The following DPH7 variants were observed in gnomAD, a reference collection of about 807,000 sequenced individuals.
DPH7 encodes diphthamide biosynthesis 7.
In DPH7, 44 loss-of-function variants were observed where a neutral mutation model predicts 41.7. That is an observed-to-expected ratio of 1.05 (90% CI 0.83 to 1.36). The LOEUF (loss-of-function observed/expected upper bound fraction) is 1.36, where lower values mean the gene tolerates loss of function less well. Ranked by LOEUF, DPH7 falls within the 40% of genes most tolerant of loss-of-function variation. DPH7 has a pLI of 0.00. For synonymous variants in DPH7, 275 were observed against 238.0 expected, an observed-to-expected ratio of 1.16 and a Z score of -1.43; for missense variants, 629 against 577.5, an observed-to-expected ratio of 1.09 and a Z score of -0.91.
At chr9:137,558,622 C>G (rs1257545889) in intron 8 of DPH7, among the ~76,000 whole-genome samples, 1 of 152,168 alleles carries the variant, frequency 6.6e-6, no homozygotes, top group Non-Finnish European at 1.5e-5. Flanking sequence ...AAAGGCAAAT[C>G]CCCATAGACA....
At chr9:137,564,988 G>A (rs1244391439) in intron 6 of DPH7, 30 bp from the exon 7 acceptor site, 2 of 1,600,866 alleles carry the variant, frequency 1.2e-6, no homozygotes, top group Admixed American at 3.5e-5. Context: ...CTGAACCAGT[G>A]TCCAGCACAC....
At chr9:137,575,091 G>T (rs1312344336) in intron 3 of DPH7, 17 of 1,271,384 alleles carry the variant, frequency 1.3e-5, no homozygotes, top group Non-Finnish European at 1.7e-5. Context: ...TTGATCTTGG[G>T]GCATGGTCTC....
intron 5 of DPH7, among the ~76,000 whole-genome samples, chr9:137,571,719 T>G (rs925774845): frequency 6.6e-6 from 1 of 151,800 alleles, no homozygotes; most frequent in Non-Finnish European, 1.5e-5. Context: ...ACCCAGGAGG[T>G]GGAGGTTGCA....
chr9:137,577,035 C>T (rs1360636952), intron 2 of DPH7, among the ~76,000 whole-genome samples: 1 of 136,716 alleles, frequency 7.3e-6, no homozygotes, highest in South Asian at 2.2e-4. Context: ...GCCTGGGCAA[C>T]GGAACAAAAC....
Position 137,578,813 on chromosome 9 carries a change from A to G in DPH7, c.-36T>C. On this transcript the variant is annotated 5_prime_UTR_variant, in exon 1 of 9. Transcript: ENST00000277540. ...GGGAAGGGCGCGGAGCCGGCAGTAG[A>G]GGCGGGTCGGCGGGGCCGGGCTGGG... 1.4e-6 allele frequency: 2 copies of G among 1,403,294 alleles called. No homozygotes were observed. The highest frequency in any genetic ancestry group is 1.9e-6 in the Non-Finnish European group (2 of 1,074,654). 86.9% of individuals were successfully genotyped at this position (1,403,294 alleles called of 1,614,324 possible). A position where few individuals can be genotyped will look rare whatever the true frequency, so the allele number is the denominator to read the frequency against.
At chr9:137,568,963 C>T (rs555471100) in intron 5 of DPH7, among the ~76,000 whole-genome samples, 1 of 152,194 alleles carries the variant, frequency 6.6e-6, no homozygotes, top group Admixed American at 6.5e-5. Context: ...ACAAGGACTC[C>T]ACACCATGCA....
chr9:137,565,009 AGGGAACGGGAGGGCT>A, intron 6 of DPH7, 51 bp from the exon 7 acceptor site: 1 of 1,606,770 alleles, frequency 6.2e-7, no homozygotes, highest in Non-Finnish European at 8.5e-7. Context: ...AGACCCACCC[AGGGAACGGGAGGGCT>A]GGTGACCCAG....
rs778810444 is a variant in DPH7 at position 137,574,775 on chromosome 9, A to C, written c.444T>G (p.Asp148Glu). ...LEEQCLALSLDWSTGKTGRAG... is the reference protein window; with the variant it reads ...LEEQCLALSLEWSTGKTGRAG... ...ACCTTCCAGTTTTCCCAGTGGACCA[A>C]TCTAGGGACAAAGCCAGACACTGCT... The change falls in exon 4 of 9, where the codon GAT becomes GAG. Residue 148 changes from aspartate (D) to glutamate (E), a missense_variant. Asp to Glu is a conservative substitution (Grantham distance 45). Transcript: ENST00000277540. 11 of 1,613,918 alleles carry C rather than the reference A, an allele frequency of 6.8e-6. No individual in the cohort carries two copies. The highest frequency in any genetic ancestry group is 9.3e-6 in the Non-Finnish European group (11 of 1,180,014).
chr9:137,577,754 G>A, intron 1 of DPH7, 151 bp from the exon 2 acceptor site: 1 of 1,098,522 alleles, frequency 9.1e-7, no homozygotes, highest in South Asian at 1.6e-5. Context: ...CTGAGCTGGA[G>A]AAACGTCTAT....
At position 137,556,759 on chromosome 9, in the gene DPH7, C is replaced by G; in HGVS notation, c.950-1111G>C. The G allele has an allele frequency of 2.2e-6, 1 of 454,904 alleles. No individual in the cohort carries two copies. Among genetic ancestry groups the G allele is most frequent in the South Asian group, 1.6e-5 (1 of 64,424 alleles). 28.2% of individuals were successfully genotyped at this position (454,904 alleles called of 1,614,324 possible). On this transcript the variant is annotated intron_variant, in intron 8 of 8. Transcript: ENST00000277540. The surrounding 1 kb of genome is among the most constrained non-coding windows in gnomAD (Gnocchi z 5.2). ...CAGGGCAGGCAGGACCTCCGCTAGT[C>G]TTTCATCCAGCAATCGCTCAACACG... is the stretch of plus-strand genomic sequence containing the variant.
chr9:137,558,331 G>A (rs943830006), intron 8 of DPH7, among the ~76,000 whole-genome samples: 7 of 152,158 alleles, frequency 4.6e-5, no homozygotes, highest in Middle Eastern at 3.4e-3. Context: ...CAGGTGGTCC[G>A]GGCTGCAGTG....
At chr9:137,563,609 A>G (rs1839013422) in intron 8 of DPH7, among the ~76,000 whole-genome samples, 11 of 151,976 alleles carry the variant, frequency 7.2e-5, no homozygotes, top group Admixed American at 2.6e-4. Context: ...AGTGCAGAGA[A>G]GAAACTGGCC....
chr9:137,564,869 C>G (rs1225743605), intron 7 of DPH7, 24 bp downstream of exon 7: 2 of 1,579,620 alleles, frequency 1.3e-6, no homozygotes, highest in African/African-American at 1.3e-5. Context: ...ACGAGAAGGG[C>G]CCGAGAGCCT....
chr9:137,562,413 G>C (rs1194769275), intron 8 of DPH7, among the ~76,000 whole-genome samples: 1 of 152,040 alleles, frequency 6.6e-6, no homozygotes, highest in African/African-American at 2.4e-5. Flanking sequence ...AAGAAATGTG[G>C]GCACTTAAAA....
Position 137,556,180 on chromosome 9 carries a change from C to A in DPH7, c.950-532G>T, listed in dbSNP as rs1330483965. Among the ~76,000 whole-genome samples, 1 of 152,160 alleles carries A rather than the reference C, an allele frequency of 6.6e-6. No individual in the cohort carries two copies. The highest frequency in any genetic ancestry group is 1.5e-5 in the Non-Finnish European group (1 of 68,028). ...GTCTGGATTCTGGCTTGGAAAGGAG[C>A]CACTGACAAGGTTAAGTGAGCAGTT... On this transcript the variant is annotated intron_variant, in intron 8 of 8. Transcript: ENST00000277540. This position sits in a 1 kb window ranked among gnomAD's most constrained non-coding sequence, Gnocchi z 5.2.
intron 5 of DPH7, among the ~76,000 whole-genome samples, chr9:137,573,360 C>CAAAAAAA (rs34523698): frequency 4.0e-4 from 16 of 40,280 alleles, no homozygotes; most frequent in Non-Finnish European, 4.7e-4. Context: ...GACTCCATCT[C>CAAAAAAA]AAAAAAAAAA....
chr9:137,561,831 A>C (rs1838666641), intron 8 of DPH7, among the ~76,000 whole-genome samples: 1 of 152,176 alleles, frequency 6.6e-6, no homozygotes, highest in East Asian at 1.9e-4. Flanking sequence ...GAAATACATA[A>C]TTCTACAGTT....
chr9:137,575,295 G>A, intron 3 of DPH7: 2 of 993,784 alleles, frequency 2.0e-6, no homozygotes, highest in Non-Finnish European at 2.4e-6. Context: ...GCAGCCATGA[G>A]AACGTGGTTG....
rs767067696 is a variant in DPH7 at position 137,556,419 on chromosome 9, C to T, written c.950-771G>A. 2.0e-5 allele frequency among the ~76,000 whole-genome samples: 3 copies of T among 152,222 alleles called. No individual in the cohort carries two copies. Among genetic ancestry groups the T allele is most frequent in the Non-Finnish European group, 4.4e-5 (3 of 68,040 alleles). On this transcript the variant is annotated intron_variant, in intron 8 of 8. Transcript: ENST00000277540. This position sits in a 1 kb window ranked among gnomAD's most constrained non-coding sequence, Gnocchi z 5.2. ...GCCACTTGGGCTCTGAAAGGGCTGCCATCGCTACCTCTGAAGTACAGGGAT... is the reference window on the plus strand; with the variant it reads ...GCCACTTGGGCTCTGAAAGGGCTGCTATCGCTACCTCTGAAGTACAGGGAT...
Sources: allele counts gnomAD v4.1 joint callset (sites outside exome capture counted in the v4.1 genomes callset), GRCh38; gene constraint gnomAD v4.1.1; non-coding constraint Gnocchi (gnomAD v3.1); transcripts MANE v1.5; gene names NCBI Gene and HGNC (gene_info 2026-07-23, HGNC 2026-07-21).